CMPK2: variants seen among roughly 807,000 people sequenced by gnomAD.
CMPK2 encodes the protein cytidine/uridine monophosphate kinase 2.
A neutral mutation model predicts 33.4 loss-of-function variants in CMPK2; 32 were observed. The ratio of observed to expected loss-of-function variants is 0.96; its 90% CI spans 0.72 to 1.29. CMPK2 has a LOEUF of 1.29. CMPK2 is among the 50% of genes most tolerant of loss of function. The pLI is 0.00. For synonymous variants in CMPK2, 299 were observed against 275.3 expected (o/e 1.09, Z -0.85); for missense variants, 672 against 616.0 (o/e 1.09, Z -0.96).
intron 3 of CMPK2, among the ~76,000 whole-genome samples, chr2:6,857,222 C>G (rs1044899253): frequency 2.0e-5 from 3 of 152,068 alleles, no homozygotes; most frequent in Non-Finnish European, 4.4e-5. Flanking sequence ...CATTTGTCAT[C>G]GTGATGTAAG....
Position 6,849,746 on chromosome 2 carries a change from C to T in CMPK2, c.*104G>A. On this transcript the variant is annotated 3_prime_UTR_variant, in exon 5 of 5. Coordinates refer to ENST00000256722, the MANE Select transcript of CMPK2 (RefSeq NM_207315.4). The stretch of plus-strand genomic sequence containing the variant: ...TGGTCTCCAGTTTTCTGCCACACAA[C>T]ATGCTTGTAGAACAGAAATTTGGGA... 4 of 1,560,030 alleles carry T rather than the reference C, an allele frequency of 2.6e-6. No individual in the cohort carries two copies. Among genetic ancestry groups the T allele is most frequent in the Non-Finnish European group, 3.4e-6 (4 of 1,160,346 alleles).
In CMPK2 at chr2:6,841,754, A is replaced by G. The variant is rs375847682; in HGVS notation, c.993-1076T>C. 1.3e-4 allele frequency among the ~76,000 whole-genome samples: 20 copies of G among 152,282 alleles called. 1 individual carries two copies. In the South Asian group the frequency reaches 3.9e-3, roughly 30 times the overall value. On this transcript the variant is annotated intron_variant, in intron 3 of 3. Transcript: ENST00000458098. Reference sequence around the variant, plus strand: ...TGCTGACTTAGCTGTTTGGTCTGCTAGCCTATTTCCTTCAGCTATTTCATC... The same window carrying G: ...TGCTGACTTAGCTGTTTGGTCTGCTGGCCTATTTCCTTCAGCTATTTCATC...
chr2:6,845,865 A>G (rs1182160224), downstream of CMPK2, among the ~76,000 whole-genome samples: 2 of 152,238 alleles, frequency 1.3e-5, no homozygotes, highest in Non-Finnish European at 2.9e-5. Flanking sequence ...TCAAATGAGC[A>G]TAAGAATTGA....
At chr2:6,842,578 CT>C (rs1662259876) in intron 3 of CMPK2, among the ~76,000 whole-genome samples, 1 of 152,208 alleles carries the variant, frequency 6.6e-6, no homozygotes, top group African/African-American at 2.4e-5. Context: ...AAGCTATCCC[CT>C]TCCTTTCTGA....
intron 3 of CMPK2, among the ~76,000 whole-genome samples, chr2:6,856,176 C>G (rs1662698991): frequency 6.6e-6 from 1 of 152,200 alleles, no homozygotes; most frequent in African/African-American, 2.4e-5. Context: ...ACCTATGTAA[C>G]AGAACTGCAT....
chr2:6,851,892 G>A (rs984908473), intron 3 of CMPK2, among the ~76,000 whole-genome samples: 4 of 152,240 alleles, frequency 2.6e-5, no homozygotes, highest in Non-Finnish European at 2.9e-5. Context: ...ATAATGCAGT[G>A]TGTTCTTCAC....
intron 3 of CMPK2, among the ~76,000 whole-genome samples, chr2:6,852,309 G>A (rs532939967): frequency 2.0e-5 from 3 of 152,312 alleles, no homozygotes; most frequent in East Asian, 1.9e-4. Flanking sequence ...GATTTTGGGG[G>A]AGGAAAACAA....
At chr2:6,844,024 T>C (rs1189687799), downstream of CMPK2, among the ~76,000 whole-genome samples, 1 of 152,206 alleles carries the variant, frequency 6.6e-6, no homozygotes, top group Non-Finnish European at 1.5e-5. Context: ...TAGCAACCTA[T>C]ATCTCCAGGG....
chr2:6,865,639 G>A lies in CMPK2; in HGVS notation c.58C>T (p.Arg20Cys), dbSNP rs1663055953. The A allele has an allele frequency of 1.5e-6, 2 of 1,353,128 alleles. No homozygotes were observed. The highest frequency in any genetic ancestry group is 3.4e-5 in the Admixed American group (1 of 29,134). The allele number at this position is 1,353,128 out of a possible 1,614,324, so 83.8% of individuals were successfully genotyped here. A position where few individuals can be genotyped will look rare whatever the true frequency, so the allele number is the denominator to read the frequency against. The stretch of plus-strand genomic sequence containing the variant: ...GCCATGGCCCCAGCGCAGACCCCGC[G>A]CCGCCCGAGCAGCGGCCCCGACAGT... ...GPLSGPLLGR[R>C]GVCAGAMAPP... Residue 20 changes from arginine (R) to cysteine (C), a missense_variant, in exon 1 of 5, where the codon CGC becomes TGC. Physicochemically the swap from Arg to Cys is radical, Grantham distance 180. Transcript: ENST00000256722.
At chr2:6,850,935 G>T in intron 4 of CMPK2, 1 of 990,500 alleles carries the variant, frequency 1.0e-6, no homozygotes, top group Non-Finnish European at 1.2e-6. Context: ...AAATCAGAAA[G>T]ATTTTAATCC....
Position 6,849,697 on chromosome 2 carries a change from T to C in CMPK2, c.*153A>G, listed in dbSNP as rs1164249725. 1.3e-6 allele frequency: 2 copies of C among 1,509,784 alleles called. No individual in the cohort carries two copies. Among genetic ancestry groups the C allele is most frequent in the Non-Finnish European group, 1.8e-6 (2 of 1,141,236 alleles). 93.5% of individuals were successfully genotyped at this position (1,509,784 alleles called of 1,614,324 possible). On this transcript the variant is annotated 3_prime_UTR_variant, in exon 5 of 5. Transcript: ENST00000256722. ...GTCCATCAGTCAGAAGAGGGTACGA[T>C]GGCTGAAGTAAAATTAAGATGCCTG...
chr2:6,863,614 AG>A (rs1662951966), intron 1 of CMPK2, 36 bp from the exon 2 acceptor site: 1 of 1,532,418 alleles, frequency 6.5e-7, no homozygotes, highest in Non-Finnish European at 9.0e-7. Context: ...CAATGAAGCC[AG>A]GGGGCTTTTG....
chr2:6,860,932 A>T (rs1662855950), intron 3 of CMPK2, among the ~76,000 whole-genome samples: 1 of 152,142 alleles, frequency 6.6e-6, no homozygotes, highest in African/African-American at 2.4e-5. Context: ...ACATTCACCT[A>T]CCCAAGTTAT....
rs1156872303 is a variant in CMPK2 at position 6,849,528 on chromosome 2, T to C, written c.*322A>G. 1 of 1,081,584 alleles carries C rather than the reference T, an allele frequency of 9.2e-7. No homozygotes were observed. The highest frequency in any genetic ancestry group is 1.1e-6 in the Non-Finnish European group (1 of 891,100). 67.0% of individuals were successfully genotyped at this position (1,081,584 alleles called of 1,614,324 possible). On this transcript the variant is annotated 3_prime_UTR_variant, in exon 5 of 5. Coordinates refer to ENST00000256722, the MANE Select transcript of CMPK2 (RefSeq NM_207315.4). ...TTGTCTGCTGCTTCTGTACACCTGGTGCTGTCTGAGTAAGACAGGTCTTCC... is the reference window on the plus strand; with the variant it reads ...TTGTCTGCTGCTTCTGTACACCTGGCGCTGTCTGAGTAAGACAGGTCTTCC...
chr2:6,847,630 C>A (rs2103215779), downstream of CMPK2, among the ~76,000 whole-genome samples: 1 of 152,296 alleles, frequency 6.6e-6, no homozygotes, highest in Non-Finnish European at 1.5e-5. Context: ...GGACCCTTCC[C>A]TTGCTATTTA....
At chr2:6,853,847 A>T (rs4669105) in intron 3 of CMPK2, among the ~76,000 whole-genome samples, 147,213 of 151,858 alleles carry the variant, frequency 0.97, 71,525 homozygotes, top group Non-Finnish European at 1. Flanking sequence ...GCTTGCAGTG[A>T]GCCGAGATCG....
Position 6,863,587 on chromosome 2 carries a change from C to T in CMPK2, c.676-9G>A, listed in dbSNP as rs746764130. ...GGAATAAAGGAGGTACACTGTAAAA[C>T]AACGTCTATCCATCAGCAATGAAGC... On this transcript the variant is annotated splice_polypyrimidine_tract_variant and intron_variant, in intron 1 of 4. Coordinates refer to ENST00000256722, the MANE Select transcript of CMPK2 (RefSeq NM_207315.4). 5.6e-6 allele frequency: 9 copies of T among 1,605,338 alleles called. No individual in the cohort carries two copies. Among genetic ancestry groups the T allele is most frequent in the Middle Eastern group, 1.7e-4 (1 of 6,036 alleles).
At chr2:6,844,461 G>A (rs1558319328), downstream of CMPK2, among the ~76,000 whole-genome samples, 1 of 152,206 alleles carries the variant, frequency 6.6e-6, no homozygotes, top group Non-Finnish European at 1.5e-5. Context: ...TAAACGCTGA[G>A]AAATTTTCAT....
At chr2:6,840,999 A>G (rs1222936314) in intron 3 of CMPK2, among the ~76,000 whole-genome samples, 4 of 152,086 alleles carry the variant, frequency 2.6e-5, no homozygotes, top group African/African-American at 9.7e-5. Flanking sequence ...TCTTGAGACC[A>G]CTTCCTGAGG....
Sources: allele counts gnomAD v4.1 joint callset (sites outside exome capture counted in the v4.1 genomes callset), GRCh38; gene constraint gnomAD v4.1.1; transcripts MANE v1.5; gene names NCBI Gene and HGNC (gene_info 2026-07-23, HGNC 2026-07-21).